Variants in KDR observed in about 807,000 individuals in gnomAD.
KDR encodes the protein kinase insert domain receptor.
Under a neutral mutation model 160.9 loss-of-function variants are expected in KDR, and 43 were observed. The ratio of observed to expected loss-of-function variants is 0.27; its 90% CI spans 0.21 to 0.34. KDR has a LOEUF of 0.34. Ranked by LOEUF, KDR falls within the 10% of genes least tolerant of loss-of-function variation. KDR has a pLI of 1.00. For synonymous variants in KDR, 617 were observed against 600.1 expected, an observed-to-expected ratio of 1.03 and a Z score of -0.41; for missense variants, 1,469 against 1,666.4, an observed-to-expected ratio of 0.88 and a Z score of 2.06.
intron 27 of KDR, among the ~76,000 whole-genome samples, chr4:55,085,719 A>G (rs370919861): frequency 1.4e-3 from 213 of 152,352 alleles, no homozygotes; most frequent in African/African-American, 5.1e-3. Context: ...TTATGGCTGG[A>G]TAAAAGAGAA....
chr4:55,125,326 C>T lies in KDR; in HGVS notation c.-33G>A. Reference sequence around the variant, plus strand: ...CTCGAGCCGGGCGAAATGCCCAGAACTCGGGAGCCGGTTCTTTCTCCCAGC... The same window carrying T: ...CTCGAGCCGGGCGAAATGCCCAGAATTCGGGAGCCGGTTCTTTCTCCCAGC... On this transcript the variant is annotated 5_prime_UTR_variant, in exon 1 of 30. Transcript: ENST00000263923. 1 of 1,594,892 alleles carries T rather than the reference C, an allele frequency of 6.3e-7. No individual in the cohort carries two copies. The highest frequency in any genetic ancestry group is 2.3e-5 in the East Asian group (1 of 44,218).
intron 1 of KDR, among the ~76,000 whole-genome samples, chr4:55,123,742 T>C (rs924236708): frequency 2.6e-5 from 4 of 152,164 alleles, no homozygotes; most frequent in Non-Finnish European, 4.4e-5. Context: ...TATGTTCAAA[T>C]CCCATAACCA....
At chr4:55,086,810 C>T (rs776279552) in intron 27 of KDR, among the ~76,000 whole-genome samples, 7 of 152,188 alleles carry the variant, frequency 4.6e-5, no homozygotes, top group Non-Finnish European at 1.0e-4. Context: ...TCCCTGCAGC[C>T]CAGGCACACT....
At chr4:55,101,824 G>T in intron 15 of KDR, 73 bp downstream of exon 15, 1 of 1,303,072 alleles carries the variant, frequency 7.7e-7, no homozygotes, top group South Asian at 1.2e-5. Context: ...CAAAGGACAT[G>T]ATCAGATTCC....
rs141493431 is a variant in KDR at position 55,098,774 on chromosome 4, T to C, written c.2296A>G (p.Ile766Val). 1.9e-6 allele frequency: 3 copies of C among 1,613,234 alleles called. No homozygotes were observed. The African/African-American group carries it at 4.0e-5, about 22-fold the overall frequency. The change falls in exon 16 of 30, where the codon ATT (isoleucine) becomes GTT (valine). Residue 766 changes from isoleucine to valine, a missense_variant. By Grantham distance (29) the Ile-to-Val change is conservative. Transcript: ENST00000263923. ...GAQEKTNLEI[I>V]ILVGTAVIAM... The stretch of plus-strand genomic sequence containing the variant: ...ATCACCGCCGTGCCTACTAGAATAA[T>C]GATTTCCAAGTTCGTCTTTTCCTGG...
At chr4:55,124,235 T>G (rs1720971097) in intron 1 of KDR, among the ~76,000 whole-genome samples, 1 of 152,150 alleles carries the variant, frequency 6.6e-6, no homozygotes, top group Non-Finnish European at 1.5e-5. Flanking sequence ...TTTTTCTTTC[T>G]CTGACCCTTT....
intron 24 of KDR, 98 bp from the exon 25 acceptor site, chr4:55,089,571 T>C (rs1397181025): frequency 2.5e-6 from 3 of 1,183,496 alleles, no homozygotes; most frequent in Non-Finnish European, 3.6e-6. Flanking sequence ...TATGTATCTA[T>C]TTTTTTTTTC....
rs1719664958 is a variant in KDR, at chr4:55,079,308, A to G, written c.*633T>C. On this transcript the variant is annotated 3_prime_UTR_variant, in exon 30 of 30. Coordinates refer to ENST00000263923, the MANE Select transcript of KDR (RefSeq NM_002253.4). The stretch of plus-strand genomic sequence containing the variant: ...CTTTAGCCCAACTCGAAGAACACGC[A>G]ACCTTCTAAAACCAGAAACCCCGTC... The G allele has an allele frequency of 4.2e-6, 1 of 235,732 alleles. No individual in the cohort carries two copies. The highest frequency in any genetic ancestry group is 6.0e-5 in the East Asian group (1 of 16,634). 14.6% of individuals were successfully genotyped at this position (235,732 alleles called of 1,614,324 possible).
Position 55,115,418 on chromosome 4 carries a change from GA to G in KDR, c.359-8del. The G allele has an allele frequency of 6.8e-7, 1 of 1,471,326 alleles. No homozygotes were observed. The highest frequency in any genetic ancestry group is 1.4e-5 in the African/African-American group (1 of 72,060). 91.1% of individuals were successfully genotyped at this position (1,471,326 alleles called of 1,614,324 possible). A position where few individuals can be genotyped will look rare whatever the true frequency, so the allele number is the denominator to read the frequency against. On this transcript the variant is annotated splice_polypyrimidine_tract_variant and splice_region_variant and intron_variant, in intron 3 of 29. Transcript: ENST00000263923. The stretch of plus-strand genomic sequence containing the variant: ...ATAAATGGAGATCTGTAATCTAGAA[GA>G]AAATTTAGTTTTATTAATGAGTTAA...
rs1172747200 is a variant in KDR at position 55,088,924 on chromosome 4, T to C, written c.3454A>G (p.Thr1152Ala). 6.2e-7 allele frequency: 1 copy of C among 1,614,172 alleles called. No homozygotes were observed. Among genetic ancestry groups the C allele is most frequent in the South Asian group, 1.1e-5 (1 of 91,088 alleles). Residue 1152 changes from threonine (T) to alanine (A), a missense_variant, in exon 26 of 30, where the codon ACG (threonine) becomes GCG (alanine). Physicochemically the swap from Thr to Ala is moderately conservative, Grantham distance 58. Around this residue, in one of 7 missense-constraint regions of KDR, gnomAD observed 132 missense variants for 195.9 expected, o/e 0.67. Transcript: ENST00000263923. ...AAATGTTCCACCAACTCTGAAAACG[T>C]GGGTCTCTGACTGGGCTCCCCGTGC... ...CWHGEPSQRP[T>A]FSELVEHLGN...
At chr4:55,106,321 C>A (rs901740053) in intron 11 of KDR, among the ~76,000 whole-genome samples, 2 of 152,048 alleles carry the variant, frequency 1.3e-5, no homozygotes, top group Admixed American at 1.3e-4. Context: ...GATATTTACT[C>A]AATTTGTATA....
intron 1 of KDR, 31 bp downstream of exon 1, chr4:55,125,196 C>CT: frequency 1.9e-6 from 3 of 1,604,090 alleles, no homozygotes; most frequent in Non-Finnish European, 2.6e-6. Flanking sequence ...CCCGACCTGT[C>CT]TGCCTTCCTC....
intron 18 of KDR, 25 bp downstream of exon 18, chr4:55,097,637 G>A (rs1304681437): frequency 1.9e-5 from 26 of 1,393,568 alleles, no homozygotes; most frequent in Non-Finnish European, 2.3e-5. Flanking sequence ...CAGAAAGATA[G>A]ATCACCACAT....
chr4:55,089,106 GAC>G (rs1044057070), intron 25 of KDR, 133 bp from the exon 26 acceptor site: 1 of 756,248 alleles, frequency 1.3e-6, no homozygotes, highest in African/African-American at 1.7e-5. Flanking sequence ...AACTGTGTAA[GAC>G]ACAGAGTCCC....
intron 7 of KDR, among the ~76,000 whole-genome samples, chr4:55,112,086 G>C (rs774824093): frequency 2.0e-5 from 3 of 152,090 alleles, no homozygotes; most frequent in Admixed American, 6.6e-5. Context: ...AAATGAAAGA[G>C]AATAAACAAA....
At chr4:55,092,936 A>T (rs931852063) in intron 21 of KDR, among the ~76,000 whole-genome samples, 13 of 152,226 alleles carry the variant, frequency 8.5e-5, no homozygotes, top group African/African-American at 3.1e-4. Context: ...CATTTTAGCC[A>T]AATTGAACCA....
chr4:55,086,654 C>G lies in KDR; in HGVS notation c.3662+953G>C, dbSNP rs186347007. The stretch of plus-strand genomic sequence containing the variant: ...TTCAATGGAACGGTCAGCTGTCTTG[C>G]TGGCTTCTAAGCTTTCTTCCTTCCC... On this transcript the variant is annotated intron_variant, in intron 27 of 29. Transcript: ENST00000263923. Among the ~76,000 whole-genome samples the G allele has an allele frequency of 3.3e-5, 5 of 152,326 alleles. No homozygotes were observed. The East Asian group carries it at 9.6e-4, about 29-fold the overall frequency.
intron 3 of KDR, among the ~76,000 whole-genome samples, chr4:55,116,878 C>T (rs548040041): frequency 1.2e-4 from 19 of 152,314 alleles, no homozygotes; most frequent in African/African-American, 4.1e-4. Flanking sequence ...ATAGAGAATA[C>T]TTCAGTGTTT....
intron 9 of KDR, among the ~76,000 whole-genome samples, chr4:55,109,276 T>A (rs576092814): frequency 6.6e-6 from 1 of 152,012 alleles, no homozygotes; most frequent in Non-Finnish European, 1.5e-5. Flanking sequence ...AGAGACGGGT[T>A]TTCATCATGT....
Sources: gnomAD v4.1 joint callset for allele counts (sites outside exome capture counted in the v4.1 genomes callset) on GRCh38, gnomAD v4.1.1 for gene constraint, gnomAD v4.1.1 regional missense constraint, MANE v1.5 for transcripts, NCBI Gene and HGNC (gene_info 2026-07-23, HGNC 2026-07-21) for gene names.